Variants in FBXL7 observed in about 807,000 individuals in gnomAD.
FBXL7 encodes the protein F-box and leucine rich repeat protein 7, also known as F-box/LRR-repeat protein 7.
In FBXL7, 12 loss-of-function variants were observed where a neutral mutation model predicts 38.3. The observed-to-expected ratio is 0.31, with a 90% CI of 0.20 to 0.51. FBXL7 has a LOEUF of 0.51. FBXL7 is among the 20% of genes least tolerant of loss of function. The probability of loss-of-function intolerance (pLI) is 0.98; values close to 1 mark genes in which losing one functional copy is unlikely to be tolerated. For synonymous variants in FBXL7, 297 were observed against 300.9 expected (o/e 0.99, Z 0.13); for missense variants, 567 against 676.4 (o/e 0.84, Z 1.79).
intron 2 of FBXL7, among the ~76,000 whole-genome samples, chr5:15,730,096 G>A (rs992236801): frequency 2.6e-5 from 4 of 152,008 alleles, no homozygotes; most frequent in Non-Finnish European, 5.9e-5. Context: ...TCAATGGCCA[G>A]GAAGATATAT....
At chr5:15,585,514 G>T (rs527375201) in intron 1 of FBXL7, among the ~76,000 whole-genome samples, 1 of 152,210 alleles carries the variant, frequency 6.6e-6, no homozygotes, top group African/African-American at 2.4e-5. Flanking sequence ...AACAGTCATC[G>T]TTAGCTAACT....
At chr5:15,543,648 T>C (rs140246739) in intron 1 of FBXL7, among the ~76,000 whole-genome samples, 57 of 152,310 alleles carry the variant, frequency 3.7e-4, no homozygotes, top group African/African-American at 1.3e-3. Flanking sequence ...TGCTGGTTGA[T>C]GAATGGGAAT....
At chr5:15,720,330 G>A (rs775572800) in intron 2 of FBXL7, among the ~76,000 whole-genome samples, 1 of 148,382 alleles carries the variant, frequency 6.7e-6, no homozygotes, top group South Asian at 2.2e-4. Context: ...AAAGGACTGA[G>A]GGTAAATTAT....
At chr5:15,924,442 A>C (rs1340040670) in intron 2 of FBXL7, among the ~76,000 whole-genome samples, 1 of 151,866 alleles carries the variant, frequency 6.6e-6, no homozygotes, top group South Asian at 2.1e-4. Context: ...AGGTATGTCC[A>C]TCATCTGTTG....
At chr5:15,547,620 C>T (rs1245566672) in intron 1 of FBXL7, among the ~76,000 whole-genome samples, 1 of 152,188 alleles carries the variant, frequency 6.6e-6, no homozygotes, top group Admixed American at 6.5e-5. Flanking sequence ...TCTGCACACA[C>T]TCCACTTCCA....
At chr5:15,677,003 G>A (rs1028694922) in intron 2 of FBXL7, among the ~76,000 whole-genome samples, 3 of 152,192 alleles carry the variant, frequency 2.0e-5, no homozygotes, top group Admixed American at 2.0e-4. Context: ...TTCTAATGCA[G>A]ACATTAAGTG....
intron 2 of FBXL7, among the ~76,000 whole-genome samples, chr5:15,818,795 T>C (rs16867761): frequency 0.031 from 4,651 of 150,466 alleles, 250 homozygotes; most frequent in African/African-American, 0.11. Flanking sequence ...AAAATAGAAA[T>C]GAAGAAGAAC....
chr5:15,807,906 C>T (rs1016353859), intron 2 of FBXL7, among the ~76,000 whole-genome samples: 1 of 152,162 alleles, frequency 6.6e-6, no homozygotes, highest in African/African-American at 2.4e-5. Context: ...ACAATCCACT[C>T]TAAATCTACA....
At position 15,616,175 on chromosome 5, in the gene FBXL7, G is replaced by A. The variant is rs375483140; in HGVS notation, c.127+103G>A. On this transcript the variant is annotated intron_variant, in intron 2 of 3. Coordinates refer to ENST00000504595, the MANE Select transcript of FBXL7 (RefSeq NM_012304.5). The stretch of plus-strand genomic sequence containing the variant: ...GTGTTAGTTCTATTCTCCTGAGTGG[G>A]AGCATATGAGATCTTAAAAATGAGG... 1.4e-4 allele frequency: 90 copies of A among 661,876 alleles called. 1 individual carries two copies. The East Asian group carries it at 1.4e-3, about 11-fold the overall frequency. The allele number at this position is 661,876 out of a possible 1,614,324, so 41.0% of individuals were successfully genotyped here.
intron 2 of FBXL7, among the ~76,000 whole-genome samples, chr5:15,757,447 G>T (rs1285655156): frequency 6.6e-6 from 1 of 151,584 alleles, no homozygotes. Context: ...ATCTCAAAGA[G>T]AGTTATGGAG....
chr5:15,842,446 T>A (rs1396730712), intron 2 of FBXL7, among the ~76,000 whole-genome samples: 1 of 152,210 alleles, frequency 6.6e-6, no homozygotes, highest in East Asian at 1.9e-4. Flanking sequence ...TGGAAGGGAC[T>A]TGCCTTGTCT....
intron 2 of FBXL7, among the ~76,000 whole-genome samples, chr5:15,626,650 C>T (rs568791437): frequency 6.6e-6 from 1 of 151,888 alleles, no homozygotes; most frequent in South Asian, 2.1e-4. Context: ...TGCCTTTATG[C>T]AGATGTTGGA....
chr5:15,666,649 A>AT lies in FBXL7; in HGVS notation c.127+50581dup, dbSNP rs535167019. ...AACTTTTCAAATGTTATTTTCAGTGATTTTAGGTAAACGTTCTATTGGTAC... is the reference window on the plus strand; with the variant it reads ...AACTTTTCAAATGTTATTTTCAGTGATTTTTAGGTAAACGTTCTATTGGTAC... On this transcript the variant is annotated intron_variant, in intron 2 of 3. Transcript: ENST00000504595. Among the ~76,000 whole-genome samples, 33 of 152,290 alleles carry AT rather than the reference A, an allele frequency of 2.2e-4. No individual in the cohort carries two copies. In the East Asian group the frequency reaches 6.4e-3, roughly 29 times the overall value.
At chr5:15,573,973 C>T (rs1321803306) in intron 1 of FBXL7, among the ~76,000 whole-genome samples, 1 of 152,174 alleles carries the variant, frequency 6.6e-6, no homozygotes, top group South Asian at 2.1e-4. Context: ...ATTGTTCTTA[C>T]ATTCAGTATA....
At chr5:15,875,912 A>G (rs534126366) in intron 2 of FBXL7, among the ~76,000 whole-genome samples, 24 of 152,342 alleles carry the variant, frequency 1.6e-4, no homozygotes, top group African/African-American at 5.5e-4. Context: ...GTATATACCC[A>G]AAGGATTATA....
At chr5:15,828,204 A>G (rs974351346) in intron 2 of FBXL7, among the ~76,000 whole-genome samples, 1 of 152,226 alleles carries the variant, frequency 6.6e-6, no homozygotes, top group African/African-American at 2.4e-5. Flanking sequence ...TTTAAGTGCC[A>G]AGTGTAGTCA....
At chr5:15,657,706 T>C (rs1351029365) in intron 2 of FBXL7, among the ~76,000 whole-genome samples, 1 of 152,000 alleles carries the variant, frequency 6.6e-6, no homozygotes, top group Non-Finnish European at 1.5e-5. Flanking sequence ...GCTGTGGTGG[T>C]TGGTGCCTAT....
At position 15,564,380 on chromosome 5, in the gene FBXL7, G is replaced by C. The variant is rs1463261264; in HGVS notation, c.38-51603G>C. 1.1e-3 allele frequency among the ~76,000 whole-genome samples: 13 copies of C among 11,796 alleles called. No homozygotes were observed. In the Admixed American group the frequency reaches 0.016, roughly 14 times the overall value. 7.7% of individuals were successfully genotyped at this position (11,796 alleles called of 152,430 possible). A position where few individuals can be genotyped will look rare whatever the true frequency, so the allele number is the denominator to read the frequency against. On this transcript the variant is annotated intron_variant, in intron 1 of 3. Coordinates refer to ENST00000504595, the MANE Select transcript of FBXL7 (RefSeq NM_012304.5). ...GACAATTATGATGTCAGTAATATCT[G>C]TGTGTGTGTGTGTGTGTGTGTGTGT...
intron 2 of FBXL7, among the ~76,000 whole-genome samples, chr5:15,868,350 C>A (rs975935212): frequency 6.6e-6 from 1 of 152,190 alleles, no homozygotes; most frequent in African/African-American, 2.4e-5. Context: ...TGGTGAGATC[C>A]ATGCCAGAAT....
Sources: allele counts gnomAD v4.1 joint callset (sites outside exome capture counted in the v4.1 genomes callset), GRCh38; gene constraint gnomAD v4.1.1; transcripts MANE v1.5; gene names NCBI Gene and HGNC (gene_info 2026-07-23, HGNC 2026-07-21).